The following SLF1 variants were observed in gnomAD, a reference collection of about 807,000 sequenced individuals.
SLF1 encodes SMC5/6 complex localization factor 1.
Under a neutral mutation model 123.0 loss-of-function variants are expected in SLF1, and 105 were observed. That is an observed-to-expected ratio of 0.85 (90% CI 0.73 to 1.00). The LOEUF (loss-of-function observed/expected upper bound fraction) is 1.00, where lower values mean the gene tolerates loss of function less well. Among genes scored for constraint, SLF1 ranks in the 50% least tolerant of loss-of-function variants. SLF1 has a pLI of 0.00. For synonymous variants in SLF1, 434 were observed against 406.6 expected, an observed-to-expected ratio of 1.07 and a Z score of -0.81; for missense variants, 1,239 against 1,223.0, an observed-to-expected ratio of 1.01 and a Z score of -0.20.
At chr5:94,649,795 A>G (rs1259064154) in intron 6 of SLF1, among the ~76,000 whole-genome samples, 198 bp downstream of exon 6, 2 of 152,208 alleles carry the variant, frequency 1.3e-5, no homozygotes, top group Admixed American at 6.5e-5. Flanking sequence ...GTTTGTATGC[A>G]TATAGAAATA....
At chr5:94,632,207 T>C (rs965128796) in intron 4 of SLF1, among the ~76,000 whole-genome samples, 4 of 152,182 alleles carry the variant, frequency 2.6e-5, no homozygotes, top group Non-Finnish European at 4.4e-5. Flanking sequence ...ATTGACCATG[T>C]ATGTGTGGTC....
intron 4 of SLF1, among the ~76,000 whole-genome samples, chr5:94,637,317 G>T (rs76183238): frequency 0.03 from 4,491 of 152,184 alleles, 91 homozygotes; most frequent in Non-Finnish European, 0.049. Context: ...ACTCTGTATG[G>T]CTGGGCTGCT....
chr5:94,630,899 T>G (rs1218272191), intron 4 of SLF1, among the ~76,000 whole-genome samples, 156 bp downstream of exon 4: 1 of 152,244 alleles, frequency 6.6e-6, no homozygotes, highest in Non-Finnish European at 1.5e-5. Flanking sequence ...TTTAGACTTA[T>G]GTGTCTTTAA....
intron 1 of SLF1, among the ~76,000 whole-genome samples, chr5:94,626,069 C>T (rs1189299412): frequency 1.3e-5 from 2 of 151,256 alleles, no homozygotes; most frequent in East Asian, 2.0e-4. Context: ...CTGGCTAACA[C>T]GGTGAAACCC....
chr5:94,648,523 C>G (rs60191000), intron 5 of SLF1, among the ~76,000 whole-genome samples: 33,882 of 152,126 alleles, frequency 0.22, 3,900 homozygotes, highest in East Asian at 0.34. Context: ...GCTCTGTTAC[C>G]CAGGCTGGAG....
intron 1 of SLF1, among the ~76,000 whole-genome samples, chr5:94,623,465 C>T (rs1014974176): frequency 1.3e-5 from 2 of 151,938 alleles, no homozygotes; most frequent in Non-Finnish European, 2.9e-5. Flanking sequence ...TGTCAGAAGT[C>T]ATGCTCTCTT....
intron 19 of SLF1, 65 bp downstream of exon 19, chr5:94,691,721 A>G: frequency 1.6e-6 from 2 of 1,227,342 alleles, no homozygotes; most frequent in Non-Finnish European, 1.1e-6. Context: ...ACAGTTTTAT[A>G]TCACATTAAG....
intron 18 of SLF1, 116 bp from the exon 19 acceptor site, chr5:94,691,448 A>T: frequency 2.0e-6 from 1 of 490,056 alleles, no homozygotes; most frequent in Non-Finnish European, 3.2e-6. Flanking sequence ...TCAAAAGAAG[A>T]ACTCAATAAA....
chr5:94,691,456 A>G (rs1453486569), intron 18 of SLF1, 108 bp from the exon 19 acceptor site: 2 of 629,086 alleles, frequency 3.2e-6, no homozygotes, highest in Non-Finnish European at 2.3e-6. Flanking sequence ...AGAACTCAAT[A>G]AATAAATTTC....
intron 15 of SLF1, among the ~76,000 whole-genome samples, chr5:94,682,365 T>TA (rs143410945): frequency 0.033 from 5,042 of 152,142 alleles, 213 homozygotes; most frequent in East Asian, 0.21. Flanking sequence ...ATATTCCTTT[T>TA]AAAAAAAATC....
In SLF1 at chr5:94,630,505, A is replaced by C. The variant is rs1745087049; in HGVS notation, c.193A>C (p.Lys65Gln). Reference sequence around the variant, plus strand: ...CTGACAGCTCATTTGCTTTCTAGGAAAGTGGATACTAACCAAGGACTATAT... The same window carrying C: ...CTGACAGCTCATTTGCTTTCTAGGACAGTGGATACTAACCAAGGACTATAT... Reference protein sequence around the residue: ...EKFLAACAAGKWILTKDYIIH... With the variant: ...EKFLAACAAGQWILTKDYIIH... The change falls in exon 4 of 21, where the codon AAG (lysine) becomes CAG (glutamine). Residue 65 changes from lysine (K) to glutamine (Q), a missense_variant and splice_region_variant. Physicochemically the swap from Lys to Gln is moderately conservative, Grantham distance 53 (BLOSUM62 1). Coordinates refer to ENST00000265140, the MANE Select transcript of SLF1 (RefSeq NM_032290.4). 2.6e-6 allele frequency: 4 copies of C among 1,541,786 alleles called. No individual in the cohort carries two copies. The African/African-American group carries it at 5.5e-5, about 21-fold the overall frequency.
chr5:94,687,435 G>A (rs1196087633), intron 16 of SLF1, among the ~76,000 whole-genome samples: 1 of 152,194 alleles, frequency 6.6e-6, no homozygotes, highest in Admixed American at 6.5e-5. Context: ...GATGGCCCCT[G>A]CCTATAATTC....
intron 5 of SLF1, among the ~76,000 whole-genome samples, chr5:94,647,875 T>C (rs558548483): frequency 6.6e-6 from 1 of 152,364 alleles, no homozygotes; most frequent in Non-Finnish European, 1.5e-5. Flanking sequence ...AGTTAACTTA[T>C]GTAGGGTACT....
rs1561447315 is a variant in SLF1 at position 94,656,364 on chromosome 5, CTT to C, written c.1155+1614_1155+1615del. On this transcript the variant is annotated intron_variant, in intron 9 of 20. Transcript: ENST00000265140. ...TACACTTGATCATAGTGTACTGACT[CTT>C]TGCTATGTTGTTGGATTTAGTTTGC... is the stretch of plus-strand genomic sequence containing the variant. 7.3e-5 allele frequency among the ~76,000 whole-genome samples: 11 copies of C among 151,484 alleles called. No homozygotes were observed. In the South Asian group the frequency reaches 2.3e-3, roughly 32 times the overall value.
At chr5:94,664,474 T>C (rs1362434952) in intron 11 of SLF1, among the ~76,000 whole-genome samples, 1 of 152,172 alleles carries the variant, frequency 6.6e-6, no homozygotes, top group Non-Finnish European at 1.5e-5. Flanking sequence ...TTTAAATTTT[T>C]TGTAGAGATG....
intron 14 of SLF1, among the ~76,000 whole-genome samples, chr5:94,672,737 T>C (rs1400325547): frequency 6.6e-6 from 1 of 152,196 alleles, no homozygotes; most frequent in Non-Finnish European, 1.5e-5. Context: ...AACATGGCAA[T>C]GACATTTATT....
In SLF1 at chr5:94,695,625, T is replaced by G. The variant is rs1422072737; in HGVS notation, c.*313T>G. The G allele has an allele frequency of 6.2e-6, 1 of 160,368 alleles. No homozygotes were observed. Among genetic ancestry groups the G allele is most frequent in the African/African-American group, 2.4e-5 (1 of 41,660 alleles). The allele number at this position is 160,368 out of a possible 1,614,324, so 9.9% of individuals were successfully genotyped here. On this transcript the variant is annotated 3_prime_UTR_variant, in exon 21 of 21. Transcript: ENST00000265140. ...CATGTAAAATTAATTTAAATATTTT[T>G]TCAAATAAAAATGTAATGTCCTGTA...
chr5:94,686,802 T>C (rs1752480695), intron 16 of SLF1, 84 bp downstream of exon 16: 1 of 1,416,094 alleles, frequency 7.1e-7, no homozygotes, highest in Admixed American at 2.3e-5. Flanking sequence ...TATTTATTTA[T>C]TTTGAGATGG....
chr5:94,623,070 G>A (rs1183582220), intron 1 of SLF1, among the ~76,000 whole-genome samples: 1 of 151,956 alleles, frequency 6.6e-6, no homozygotes, highest in Non-Finnish European at 1.5e-5. Context: ...ACATGTTCTA[G>A]CTATGTGTTA....
Sources: gnomAD v4.1 joint callset for allele counts (sites outside exome capture counted in the v4.1 genomes callset) on GRCh38, gnomAD v4.1.1 for gene constraint, MANE v1.5 for transcripts, NCBI Gene and HGNC (gene_info 2026-07-23, HGNC 2026-07-21) for gene names.